The following SLC11A2 variants were observed in gnomAD, a reference collection of about 807,000 sequenced individuals.
The protein encoded by SLC11A2 is natural resistance-associated macrophage protein 2.
A neutral mutation model predicts 68.0 loss-of-function variants in SLC11A2; 38 were observed. That is an observed-to-expected ratio of 0.56 (90% CI 0.43 to 0.73). The LOEUF is 0.73. Ranked by LOEUF, SLC11A2 falls within the 30% of genes least tolerant of loss-of-function variation. SLC11A2 has a pLI of 0.00. For synonymous variants in SLC11A2, 242 were observed against 250.6 expected (o/e 0.97, Z 0.32); for missense variants, 517 against 690.5 (o/e 0.75, Z 2.82).
At chr12:51,011,324 T>C (rs1943205324) in intron 1 of SLC11A2, among the ~76,000 whole-genome samples, 1 of 151,824 alleles carries the variant, frequency 6.6e-6, no homozygotes, top group Non-Finnish European at 1.5e-5. Context: ...GAGACAGGGT[T>C]TCACCGTGTT....
intron 2 of SLC11A2, chr12:51,009,017 G>T: frequency 1.3e-6 from 1 of 753,488 alleles, no homozygotes; most frequent in South Asian, 1.5e-5. Context: ...CATATTCCCA[G>T]ACCAGCTCCT....
At chr12:50,973,648 T>A in the SLC11A2 span, among the ~76,000 whole-genome samples, 1 of 152,196 alleles carries the variant, frequency 6.6e-6, no homozygotes, top group Non-Finnish European at 1.5e-5. Context: ...AGAATGACTT[T>A]GACAAGTTGA....
the SLC11A2 span, among the ~76,000 whole-genome samples, chr12:50,970,890 A>T: frequency 0.3 from 43,440 of 143,314 alleles, 6,982 homozygotes; most frequent in African/African-American, 0.44. Flanking sequence ...ATTTTATTTT[A>T]TTTTTTGAGA....
chr12:50,963,196 C>G, the SLC11A2 span, among the ~76,000 whole-genome samples: 1 of 151,188 alleles, frequency 6.6e-6, no homozygotes, highest in Admixed American at 6.6e-5. Context: ...ATGGTGAAAC[C>G]CCATCTCTAC....
chr12:50,976,734 A>G (rs767677389), downstream of SLC11A2, among the ~76,000 whole-genome samples: 1 of 152,242 alleles, frequency 6.6e-6, no homozygotes. Flanking sequence ...ACATGATTGT[A>G]TATCTAGAAA....
At chr12:51,019,814 T>A (rs1943916229) in intron 1 of SLC11A2, among the ~76,000 whole-genome samples, 1 of 150,876 alleles carries the variant, frequency 6.6e-6, no homozygotes, top group Non-Finnish European at 1.5e-5. Context: ...CCTGCCAATT[T>A]TTGTATTTGT....
Position 50,987,972 on chromosome 12 carries a change from T to C in SLC11A2, c.*353A>G. The C allele has an allele frequency of 7.7e-7, 1 of 1,299,308 alleles. No homozygotes were observed. The highest frequency in any genetic ancestry group is 1.0e-6 in the Non-Finnish European group (1 of 996,922). The allele number at this position is 1,299,308 out of a possible 1,614,324, so 80.5% of individuals were successfully genotyped here. ...TTTGTATAATAAAAAATGTATTGCA[T>C]TTTCCAATTTTTTTTTAACATATAG... is the stretch of plus-strand genomic sequence containing the variant. On this transcript the variant is annotated 3_prime_UTR_variant, in exon 16 of 16. Coordinates refer to ENST00000262052, the MANE Select transcript of SLC11A2 (RefSeq NM_000617.3).
downstream of SLC11A2, among the ~76,000 whole-genome samples, chr12:50,982,701 T>G (rs1430125942): frequency 6.6e-6 from 1 of 152,016 alleles, no homozygotes; most frequent in East Asian, 1.9e-4. Context: ...CCCAGCACTG[T>G]GGGAGGCCGA....
Position 51,005,431 on chromosome 12 carries a change from A to G in SLC11A2, c.189T>C (p.Ser63=). The change falls in exon 4 of 16, where the codon TCT becomes TCC. Residue 63 remains serine (S), a synonymous_variant. Transcript: ENST00000262052. ...EKISIPEEEY[S]CFSFRKLWAF... is the part of the protein sequence containing the mutation. ...CCCAGAGTTTACGAAAGCTAAAACAAGAGTACTGTACAAGAGAGGAAAAGA... is the reference window on the plus strand; with the variant it reads ...CCCAGAGTTTACGAAAGCTAAAACAGGAGTACTGTACAAGAGAGGAAAAGA... 1.2e-6 allele frequency: 2 copies of G among 1,613,792 alleles called. No individual in the cohort carries two copies. Among genetic ancestry groups the G allele is most frequent in the East Asian group, 2.2e-5 (1 of 44,866 alleles).
At chr12:51,000,641 C>T (rs1942120728) in intron 5 of SLC11A2, 4 of 599,370 alleles carry the variant, frequency 6.7e-6, no homozygotes, top group Non-Finnish European at 8.9e-6. Context: ...AACCTGTGAA[C>T]GAAGGTCAAG....
downstream of SLC11A2, among the ~76,000 whole-genome samples, chr12:50,982,618 T>G (rs994616207): frequency 2.0e-5 from 3 of 149,300 alleles, no homozygotes; most frequent in African/African-American, 7.5e-5. Flanking sequence ...AGAGTCAGAC[T>G]CCGTCTCAAA....
intron 3 of SLC11A2, chr12:51,008,223 CAGATAGATAGATAGAT>C (rs10602867): frequency 3.9e-4 from 140 of 359,662 alleles, no homozygotes; most frequent in African/African-American, 2.9e-3. Context: ...ATTAGATAGA[CAGATAGATAGATAGAT>C]AGATAGATAG....
At chr12:50,968,543 T>C in the SLC11A2 span, among the ~76,000 whole-genome samples, 1 of 151,730 alleles carries the variant, frequency 6.6e-6, no homozygotes, top group Admixed American at 6.6e-5. Context: ...TGTGCCACCA[T>C]GCCCAGCTAA....
the SLC11A2 span, among the ~76,000 whole-genome samples, chr12:50,959,792 C>A: frequency 6.6e-6 from 1 of 152,140 alleles, no homozygotes; most frequent in Non-Finnish European, 1.5e-5. Context: ...GGATTACAGG[C>A]ATGTACCACC....
At chr12:50,991,151 A>C (rs896733780) in intron 14 of SLC11A2, among the ~76,000 whole-genome samples, 1 of 152,246 alleles carries the variant, frequency 6.6e-6, no homozygotes, top group African/African-American at 2.4e-5. Context: ...GGGAAAAGAC[A>C]CCAACAAATA....
intron 3 of SLC11A2, 153 bp downstream of exon 3, chr12:51,008,323 G>A: frequency 1.6e-6 from 1 of 615,554 alleles, no homozygotes; most frequent in Non-Finnish European, 2.9e-6. Context: ...GTGTGTGTGT[G>A]TGTATATATA....
intron 1 of SLC11A2, among the ~76,000 whole-genome samples, chr12:51,018,078 T>C (rs535568934): frequency 1.3e-5 from 2 of 152,180 alleles, no homozygotes; most frequent in Admixed American, 1.3e-4. Flanking sequence ...GAAGAACAAT[T>C]TGGATAGCCC....
In SLC11A2 at chr12:51,026,383, C is replaced by A. The variant is rs775025612; in HGVS notation, c.-112G>T. ...CCATATTCCGGGAGCCAGCGCCACGCTGGCTAACGCCCTCCCCTCCCCGCG... is the reference window on the plus strand; with the variant it reads ...CCATATTCCGGGAGCCAGCGCCACGATGGCTAACGCCCTCCCCTCCCCGCG... On this transcript the variant is annotated 5_prime_UTR_variant, in exon 1 of 16. Transcript: ENST00000262052. 8.6e-6 allele frequency: 11 copies of A among 1,274,628 alleles called. No homozygotes were observed. The South Asian group carries it at 1.4e-4, about 16-fold the overall frequency. The allele number at this position is 1,274,628 out of a possible 1,614,324, so 79.0% of individuals were successfully genotyped here.
chr12:50,979,949 G>A (rs1186042627), downstream of SLC11A2: 6 of 453,990 alleles, frequency 1.3e-5, no homozygotes, highest in Non-Finnish European at 2.2e-5. Context: ...GAGTGAGCTG[G>A]ATGCAGTGGC....
Sources: allele counts gnomAD v4.1 joint callset (sites outside exome capture counted in the v4.1 genomes callset), GRCh38; gene constraint gnomAD v4.1.1; transcripts MANE v1.5; gene names NCBI Gene and HGNC (gene_info 2026-07-23, HGNC 2026-07-21).